Variants in CSMD1 observed in about 807,000 individuals in gnomAD.
The protein encoded by CSMD1 is CUB and sushi domain-containing protein 1.
A neutral mutation model predicts 417.5 loss-of-function variants in CSMD1; 213 were observed. The observed-to-expected ratio is 0.51, with a 90% CI of 0.46 to 0.57. The LOEUF (loss-of-function observed/expected upper bound fraction) is 0.57. Among genes scored for constraint, CSMD1 ranks in the 20% least tolerant of loss-of-function variants. CSMD1 has a pLI of 0.00. For missense variants in CSMD1, 6,923 were observed against 4,529.7 expected (o/e 1.53, Z -15.17); for synonymous variants, 2,862 against 1,736.8 (o/e 1.65, Z -16.11).
chr8:3,497,419 T>C (rs766652918), intron 10 of CSMD1, among the ~76,000 whole-genome samples: 8 of 145,270 alleles, frequency 5.5e-5, no homozygotes, highest in Non-Finnish European at 9.2e-5. Context: ...TATTTATTTA[T>C]TTATTTAGAC....
chr8:4,962,015 T>C (rs1372223185), intron 1 of CSMD1, among the ~76,000 whole-genome samples: 1 of 151,980 alleles, frequency 6.6e-6, no homozygotes, highest in African/African-American at 2.4e-5. Flanking sequence ...GTTATCTCTC[T>C]GAGATTAGTA....
chr8:4,234,963 C>G (rs997588667), intron 3 of CSMD1, among the ~76,000 whole-genome samples: 2 of 152,158 alleles, frequency 1.3e-5, no homozygotes, highest in African/African-American at 4.8e-5. Context: ...GCGGGGTGTT[C>G]ATGACCTCAT....
chr8:4,372,477 A>C (rs1802452338), intron 3 of CSMD1, among the ~76,000 whole-genome samples: 1 of 149,460 alleles, frequency 6.7e-6, no homozygotes, highest in Non-Finnish European at 1.5e-5. Flanking sequence ...GTTAAGTGTC[A>C]CTTAAAACAA....
chr8:4,550,873 T>A (rs1295993843), intron 2 of CSMD1, among the ~76,000 whole-genome samples: 2 of 152,190 alleles, frequency 1.3e-5, no homozygotes, highest in African/African-American at 2.4e-5. Flanking sequence ...AATACTTTGA[T>A]CCTATCATTT....
At chr8:4,349,726 CATTT>C (rs1470611031) in intron 3 of CSMD1, among the ~76,000 whole-genome samples, 12 of 151,896 alleles carry the variant, frequency 7.9e-5, no homozygotes, top group South Asian at 2.1e-4. Context: ...GTTACAAGAT[CATTT>C]ATTTGACATT....
intron 7 of CSMD1, among the ~76,000 whole-genome samples, chr8:3,694,957 A>T (rs968307241): frequency 2.0e-5 from 3 of 152,116 alleles, no homozygotes; most frequent in Non-Finnish European, 4.4e-5. Context: ...ATGTCAAGAA[A>T]AGTAGTGAAA....
chr8:3,869,701 C>A (rs1805350098), intron 5 of CSMD1, among the ~76,000 whole-genome samples: 1 of 152,116 alleles, frequency 6.6e-6, no homozygotes. Context: ...CAGCCAGGAG[C>A]ATGTGGGGAA....
At chr8:4,199,776 A>G (rs1799544889) in intron 3 of CSMD1, among the ~76,000 whole-genome samples, 1 of 152,190 alleles carries the variant, frequency 6.6e-6, no homozygotes. Flanking sequence ...ACTCAAGGAT[A>G]ACATGCTGTT....
At position 4,122,304 on chromosome 8, in the gene CSMD1, C is replaced by T. The variant is rs184206227; in HGVS notation, c.416-90205G>A. Among the ~76,000 whole-genome samples the T allele has an allele frequency of 1.6e-4, 25 of 152,224 alleles. No individual in the cohort carries two copies. The East Asian group carries it at 4.7e-3, about 28-fold the overall frequency. Reference sequence around the variant, plus strand: ...TATAGATTTGCTGGTCATAAGACAGCTTTGATGACCAAATATTAAGGGATA... The same window carrying T: ...TATAGATTTGCTGGTCATAAGACAGTTTTGATGACCAAATATTAAGGGATA... On this transcript the variant is annotated intron_variant, in intron 3 of 69. Transcript: ENST00000635120.
At chr8:4,599,170 A>T (rs1331693089) in intron 2 of CSMD1, among the ~76,000 whole-genome samples, 3 of 152,178 alleles carry the variant, frequency 2.0e-5, no homozygotes, top group African/African-American at 7.2e-5. Flanking sequence ...TGTAGGGAGA[A>T]CTTAAAACTT....
chr8:3,977,034 C>G (rs535264694), intron 5 of CSMD1, among the ~76,000 whole-genome samples: 1 of 152,148 alleles, frequency 6.6e-6, no homozygotes. Context: ...ATGGGTGAGA[C>G]GGGATTACAA....
At chr8:4,971,769 T>C (rs993169000) in intron 1 of CSMD1, among the ~76,000 whole-genome samples, 1 of 151,796 alleles carries the variant, frequency 6.6e-6, no homozygotes. Context: ...CTAATTCCTC[T>C]AAAATTAATA....
intron 2 of CSMD1, among the ~76,000 whole-genome samples, chr8:4,506,665 T>G (rs1476746833): frequency 6.6e-6 from 1 of 152,200 alleles, no homozygotes; most frequent in Non-Finnish European, 1.5e-5. Context: ...AATTTCAGTG[T>G]GTTTTTCACA....
chr8:4,329,522 A>C (rs1278267410), intron 3 of CSMD1, among the ~76,000 whole-genome samples: 1 of 152,104 alleles, frequency 6.6e-6, no homozygotes, highest in Admixed American at 6.6e-5. Context: ...TCCTGACCTC[A>C]AGTGATTTGT....
intron 5 of CSMD1, among the ~76,000 whole-genome samples, chr8:3,866,070 A>G (rs1433397547): frequency 6.6e-6 from 1 of 152,218 alleles, no homozygotes; most frequent in Non-Finnish European, 1.5e-5. Context: ...ATGTCTTTAA[A>G]AATTCTATTC....
chr8:3,770,640 G>A (rs1798516400), intron 5 of CSMD1, among the ~76,000 whole-genome samples: 1 of 152,134 alleles, frequency 6.6e-6, no homozygotes. Context: ...AAGGAAAATT[G>A]TTTTTAGTGC....
chr8:4,399,225 A>C (rs1804476988), intron 3 of CSMD1, among the ~76,000 whole-genome samples: 1 of 152,218 alleles, frequency 6.6e-6, no homozygotes, highest in Non-Finnish European at 1.5e-5. Flanking sequence ...ATATATGACA[A>C]ACCGTATTTC....
chr8:3,999,352 C>G (rs959013584), intron 4 of CSMD1, among the ~76,000 whole-genome samples: 3 of 152,192 alleles, frequency 2.0e-5, no homozygotes, highest in African/African-American at 4.8e-5. Flanking sequence ...TACCCACCCT[C>G]TCTCCACCAA....
At position 4,235,883 on chromosome 8, in the gene CSMD1, G is replaced by C. The variant is rs374526756; in HGVS notation, c.415+184070C>G. On this transcript the variant is annotated intron_variant, in intron 3 of 69. Transcript: ENST00000635120. ...TTCTAACTGAGGAATAGCGGAACCGGCTGACACATCCCGTAGCTGAGCCGC... is the reference window on the plus strand; with the variant it reads ...TTCTAACTGAGGAATAGCGGAACCGCCTGACACATCCCGTAGCTGAGCCGC... Among the ~76,000 whole-genome samples the C allele has an allele frequency of 1.4e-3, 220 of 152,230 alleles. 1 individual carries two copies. The highest frequency in any genetic ancestry group is 5.1e-3 in the African/African-American group (212 of 41,556).
Sources: gnomAD v4.1 joint callset for allele counts (sites outside exome capture counted in the v4.1 genomes callset) on GRCh38, gnomAD v4.1.1 for gene constraint, MANE v1.5 for transcripts, NCBI Gene and HGNC (gene_info 2026-07-23, HGNC 2026-07-21) for gene names.